Variants in GUCY1A2 observed in about 807,000 individuals in gnomAD.
The protein encoded by GUCY1A2 is guanylate cyclase soluble subunit alpha-2.
GUCY1A2 carries 27 observed loss-of-function variants against 63.5 expected under a neutral mutation model. The observed-to-expected ratio is 0.43, with a 90% confidence interval of 0.31 to 0.59. The LOEUF (loss-of-function observed/expected upper bound fraction) is 0.59, where lower values mean the gene tolerates loss of function less well. Among genes scored for constraint, GUCY1A2 ranks in the 20% least tolerant of loss-of-function variants. The probability of loss-of-function intolerance (pLI) is 0.11; values close to 1 mark genes in which losing one functional copy is unlikely to be tolerated. For synonymous variants in GUCY1A2, 364 were observed against 343.5 expected (o/e 1.06, Z -0.66); for missense variants, 768 against 913.3 (o/e 0.84, Z 2.05).
chr11:106,726,304 T>C (rs1863406726), intron 6 of GUCY1A2, among the ~76,000 whole-genome samples: 1 of 151,888 alleles, frequency 6.6e-6, no homozygotes, highest in Non-Finnish European at 1.5e-5. Flanking sequence ...TAATCCCAGC[T>C]ACTTGGGGGG....
At chr11:106,890,295 G>A (rs1859956135) in intron 4 of GUCY1A2, among the ~76,000 whole-genome samples, 1 of 152,118 alleles carries the variant, frequency 6.6e-6, no homozygotes, top group Non-Finnish European at 1.5e-5. Flanking sequence ...CCAGCAACCT[G>A]TTCTAGCTAA....
intron 1 of GUCY1A2, among the ~76,000 whole-genome samples, chr11:107,000,820 TG>T (rs1275348217): frequency 6.6e-6 from 1 of 152,128 alleles, no homozygotes; most frequent in Admixed American, 6.6e-5. Flanking sequence ...AGCAAATAAT[TG>T]GTAAGACAAC....
At chr11:106,876,704 CT>C (rs1859754323) in intron 4 of GUCY1A2, among the ~76,000 whole-genome samples, 1 of 152,098 alleles carries the variant, frequency 6.6e-6, no homozygotes, top group South Asian at 2.1e-4. Context: ...TACCAGCCTG[CT>C]TAGCAATCCT....
chr11:106,965,768 C>A (rs1440328568), intron 3 of GUCY1A2, among the ~76,000 whole-genome samples: 1 of 152,056 alleles, frequency 6.6e-6, no homozygotes, highest in Non-Finnish European at 1.5e-5. Context: ...ATGATGAACA[C>A]CACTCGGGAC....
chr11:106,960,793 G>A (rs1043148806), intron 3 of GUCY1A2, among the ~76,000 whole-genome samples: 4 of 151,798 alleles, frequency 2.6e-5, no homozygotes, highest in Non-Finnish European at 4.4e-5. Context: ...AGCACAGAAG[G>A]GACTAAAAAG....
intron 4 of GUCY1A2, among the ~76,000 whole-genome samples, chr11:106,859,591 T>A (rs558911131): frequency 6.6e-6 from 1 of 152,082 alleles, no homozygotes; most frequent in Non-Finnish European, 1.5e-5. Flanking sequence ...AGTGCATTTT[T>A]AAAAGTGAAA....
At chr11:106,849,177 T>C (rs907322580) in intron 4 of GUCY1A2, among the ~76,000 whole-genome samples, 65 of 151,568 alleles carry the variant, frequency 4.3e-4, no homozygotes, top group Non-Finnish European at 1.0e-4. Context: ...CCCTTCTCTC[T>C]GGTGTAGAGA....
chr11:106,750,810 A>ATAT (rs1456020864), intron 6 of GUCY1A2, among the ~76,000 whole-genome samples: 64 of 150,832 alleles, frequency 4.2e-4, no homozygotes, highest in African/African-American at 1.5e-3. Flanking sequence ...TTTTTCTATA[A>ATAT]TATTTCTTTC....
intron 1 of GUCY1A2, among the ~76,000 whole-genome samples, chr11:106,996,171 A>C (rs1000218277): frequency 2.6e-5 from 4 of 152,182 alleles, no homozygotes; most frequent in Non-Finnish European, 5.9e-5. Flanking sequence ...TGAGCAATAG[A>C]AGCAACATAT....
chr11:106,904,844 T>TA (rs1428989612), intron 4 of GUCY1A2, among the ~76,000 whole-genome samples: 2 of 151,976 alleles, frequency 1.3e-5, no homozygotes, highest in Non-Finnish European at 2.9e-5. Context: ...TGCCAATTGG[T>TA]AAAAAATAAT....
chr11:106,851,391 T>C (rs142533264), intron 4 of GUCY1A2, among the ~76,000 whole-genome samples: 12 of 152,030 alleles, frequency 7.9e-5, no homozygotes, highest in Admixed American at 7.9e-4. Context: ...TTTTGTCACC[T>C]GTGCTTTTAA....
intron 6 of GUCY1A2, among the ~76,000 whole-genome samples, chr11:106,728,047 C>T (rs780649565): frequency 2.0e-5 from 3 of 152,204 alleles, no homozygotes; most frequent in Admixed American, 6.5e-5. Flanking sequence ...CCTGGCTCCT[C>T]GTAAATGTCC....
At chr11:106,859,687 G>C (rs753878484) in intron 4 of GUCY1A2, among the ~76,000 whole-genome samples, 1 of 151,890 alleles carries the variant, frequency 6.6e-6, no homozygotes, top group African/African-American at 2.4e-5. Context: ...GTCAATGACC[G>C]ACCACTTACA....
chr11:106,862,621 C>T (rs1270251831), intron 4 of GUCY1A2, among the ~76,000 whole-genome samples: 2 of 152,038 alleles, frequency 1.3e-5, no homozygotes, highest in East Asian at 3.9e-4. Flanking sequence ...GTGATAATTG[C>T]TGTCTTCCTT....
chr11:106,870,411 T>C lies in GUCY1A2; in HGVS notation c.1207-59933A>G, dbSNP rs1859661006. 2.0e-5 allele frequency among the ~76,000 whole-genome samples: 3 copies of C among 152,256 alleles called. No individual in the cohort carries two copies. The South Asian group carries it at 6.2e-4, about 32-fold the overall frequency. On this transcript the variant is annotated intron_variant, in intron 4 of 7. Coordinates refer to ENST00000526355, the MANE Select transcript of GUCY1A2 (RefSeq NM_000855.3). ...TTTATAAATATATTTTATTTTATAG[T>C]TGTATGTGAATTATATGTACAAGAA...
At chr11:106,817,827 A>G (rs972807134) in intron 4 of GUCY1A2, among the ~76,000 whole-genome samples, 1 of 152,158 alleles carries the variant, frequency 6.6e-6, no homozygotes, top group Non-Finnish European at 1.5e-5. Flanking sequence ...AATGGCTATT[A>G]AAATGATGAA....
rs945929875 is a variant in GUCY1A2, at chr11:106,797,345, C to T, written c.1692+12648G>A. 4.3e-4 allele frequency among the ~76,000 whole-genome samples: 65 copies of T among 151,968 alleles called. 1 individual carries two copies. The highest frequency in any genetic ancestry group is 4.1e-4 in the South Asian group (2 of 4,820). Reference sequence around the variant, plus strand: ...CTGCGTTCCTTTGGAGGGGGAGAGGCGCTCTGATCAACATTAGACAGATCA... The same window carrying T: ...CTGCGTTCCTTTGGAGGGGGAGAGGTGCTCTGATCAACATTAGACAGATCA... On this transcript the variant is annotated intron_variant, in intron 5 of 7. Transcript: ENST00000526355.
At chr11:106,876,891 A>T (rs1859757201) in intron 4 of GUCY1A2, among the ~76,000 whole-genome samples, 1 of 152,130 alleles carries the variant, frequency 6.6e-6, no homozygotes, top group African/African-American at 2.4e-5. Context: ...AGAATCTGTG[A>T]ATCTGTTATC....
At chr11:106,779,525 A>G (rs1864421503) in intron 5 of GUCY1A2, among the ~76,000 whole-genome samples, 1 of 152,226 alleles carries the variant, frequency 6.6e-6, no homozygotes, top group Non-Finnish European at 1.5e-5. Flanking sequence ...CAGAACATAT[A>G]GTCAGTAAAT....
Sources: allele counts gnomAD v4.1 joint callset (sites outside exome capture counted in the v4.1 genomes callset), GRCh38; gene constraint gnomAD v4.1.1; transcripts MANE v1.5; gene names NCBI Gene and HGNC (gene_info 2026-07-23, HGNC 2026-07-21).